Variants in QTMAN observed in about 807,000 individuals in gnomAD.
QTMAN encodes tRNA-queuosine alpha-mannosyltransferase.
the QTMAN span, among the ~76,000 whole-genome samples, chr2:144,183,653 C>G: frequency 2.0e-5 from 3 of 152,078 alleles, no homozygotes; most frequent in Non-Finnish European, 4.4e-5. Context: ...TTTTTAAGAG[C>G]AACATATACA....
At chr2:144,272,063 G>A in the QTMAN span, among the ~76,000 whole-genome samples, 9 of 152,136 alleles carry the variant, frequency 5.9e-5, no homozygotes, top group African/African-American at 1.9e-4. Flanking sequence ...CCCACAGGCT[G>A]TGTCTGATAT....
the QTMAN span, among the ~76,000 whole-genome samples, chr2:144,124,753 T>C: frequency 6.6e-6 from 1 of 152,262 alleles, no homozygotes; most frequent in South Asian, 2.1e-4. Context: ...CATTTGCTTC[T>C]CTCAGATGTT....
chr2:144,187,699 A>G, the QTMAN span, among the ~76,000 whole-genome samples: 1 of 152,200 alleles, frequency 6.6e-6, no homozygotes, highest in South Asian at 2.1e-4. Context: ...GTAACAACAA[A>G]AACTGAAGGC....
the QTMAN span, among the ~76,000 whole-genome samples, chr2:143,978,180 C>A: frequency 6.6e-6 from 1 of 152,132 alleles, no homozygotes; most frequent in Non-Finnish European, 1.5e-5. Flanking sequence ...CCCACCTTTG[C>A]CCTGCTTCAT....
At chr2:144,145,489 G>A in the QTMAN span, 1 of 928,556 alleles carries the variant, frequency 1.1e-6, no homozygotes, top group Non-Finnish European at 1.7e-6. Flanking sequence ...GTGTACAATA[G>A]TAGGTCTCCA....
the QTMAN span, among the ~76,000 whole-genome samples, chr2:144,054,571 T>C: frequency 6.6e-6 from 1 of 152,184 alleles, no homozygotes; most frequent in Non-Finnish European, 1.5e-5. Flanking sequence ...GTTAAAGAGA[T>C]GTGATTTAGT....
At chr2:144,011,367 CTG>C in the QTMAN span, among the ~76,000 whole-genome samples, 1 of 152,028 alleles carries the variant, frequency 6.6e-6, no homozygotes, top group Admixed American at 6.6e-5. Flanking sequence ...TATTCTGATT[CTG>C]TGTCATGAAA....
chr2:144,246,946 T>C, the QTMAN span, among the ~76,000 whole-genome samples: 1 of 152,246 alleles, frequency 6.6e-6, no homozygotes, highest in African/African-American at 2.4e-5. Flanking sequence ...CAAAAACCTA[T>C]AGGAAAGTTA....
At chr2:144,257,149 C>T in the QTMAN span, among the ~76,000 whole-genome samples, 1 of 150,094 alleles carries the variant, frequency 6.7e-6, no homozygotes, top group African/African-American at 2.4e-5. Context: ...AAGACACAGC[C>T]ATAACCACAA....
chr2:144,011,434 C>A, the QTMAN span, among the ~76,000 whole-genome samples: 1 of 151,792 alleles, frequency 6.6e-6, no homozygotes, highest in African/African-American at 2.4e-5. Flanking sequence ...TAATAGAAAT[C>A]AAAAAAACTT....
At chr2:143,991,462 G>A in the QTMAN span, among the ~76,000 whole-genome samples, 6,985 of 143,798 alleles carry the variant, frequency 0.049, 243 homozygotes, top group African/African-American at 0.1. Context: ...CCGGCCAGCC[G>A]CCCCGTCCGG....
chr2:143,983,563 C>T, the QTMAN span, among the ~76,000 whole-genome samples: 1 of 149,606 alleles, frequency 6.7e-6, no homozygotes, highest in Non-Finnish European at 1.5e-5. Flanking sequence ...AGCTTCGCCT[C>T]CCGGGTTCAC....
chr2:144,068,049 T>C, the QTMAN span, among the ~76,000 whole-genome samples: 3 of 152,340 alleles, frequency 2.0e-5, no homozygotes, highest in South Asian at 6.2e-4. Context: ...ACTGGGAATA[T>C]GATGGTCCCT....
the QTMAN span, among the ~76,000 whole-genome samples, chr2:144,255,278 G>C: frequency 6.6e-6 from 1 of 152,140 alleles, no homozygotes; most frequent in African/African-American, 2.4e-5. Context: ...GGGCCTGGTG[G>C]GAGGTAATTG....
At chr2:143,966,042 T>G in the QTMAN span, among the ~76,000 whole-genome samples, 3 of 151,282 alleles carry the variant, frequency 2.0e-5, no homozygotes, top group Non-Finnish European at 3.0e-5. Context: ...ATATTTACTG[T>G]TTTTTTTTCC....
At chr2:144,220,641 G>A in the QTMAN span, among the ~76,000 whole-genome samples, 1 of 152,170 alleles carries the variant, frequency 6.6e-6, no homozygotes, top group African/African-American at 2.4e-5. Flanking sequence ...TTCAAACAGA[G>A]TAAAGTTACT....
chr2:143,980,001 T>C, the QTMAN span, among the ~76,000 whole-genome samples: 1 of 151,170 alleles, frequency 6.6e-6, no homozygotes. Context: ...TTCTTTCTTC[T>C]TTTTTTTCAG....
chr2:144,071,324 T>C, the QTMAN span, among the ~76,000 whole-genome samples: 2 of 151,990 alleles, frequency 1.3e-5, no homozygotes, highest in African/African-American at 2.4e-5. Context: ...ATCTCAACAA[T>C]ACGCTAATTT....
chr2:144,278,010 A>G, the QTMAN span, among the ~76,000 whole-genome samples: 1 of 152,324 alleles, frequency 6.6e-6, no homozygotes, highest in Admixed American at 6.5e-5. Flanking sequence ...GAAAGATAGC[A>G]TCAAACACAG....
Sources: gnomAD v4.1 joint callset for allele counts (sites outside exome capture counted in the v4.1 genomes callset) on GRCh38, gnomAD v4.1.1 for gene constraint, MANE v1.5 for transcripts, NCBI Gene and HGNC (gene_info 2026-07-23, HGNC 2026-07-21) for gene names.